RCAN2: variants seen among roughly 807,000 people sequenced by gnomAD.
RCAN2 encodes calcipressin-2.
Under a neutral mutation model 23.6 loss-of-function variants are expected in RCAN2, and 9 were observed. That is an observed-to-expected ratio of 0.38 (90% confidence interval 0.23 to 0.67). The LOEUF is 0.67. RCAN2 is among the 30% of genes least tolerant of loss of function. The pLI is 0.51. For missense variants in RCAN2, 273 were observed against 302.3 expected (o/e 0.90, Z 0.72); for synonymous variants, 109 against 115.7 (o/e 0.94, Z 0.37).
intron 1 of RCAN2, among the ~76,000 whole-genome samples, chr6:46,485,034 C>G (rs1301698321): frequency 6.6e-6 from 1 of 152,158 alleles, no homozygotes; most frequent in South Asian, 2.1e-4. Flanking sequence ...TGTCAGTATA[C>G]AGAGAAAGCT....
chr6:46,278,496 CA>C (rs1448861755), intron 2 of RCAN2, among the ~76,000 whole-genome samples: 1 of 152,066 alleles, frequency 6.6e-6, no homozygotes, highest in Non-Finnish European at 1.5e-5. Flanking sequence ...TTACTAAAAT[CA>C]AGGACATTCT....
intron 2 of RCAN2, among the ~76,000 whole-genome samples, chr6:46,450,774 G>T (rs1242735295): frequency 6.6e-6 from 1 of 152,056 alleles, no homozygotes; most frequent in Non-Finnish European, 1.5e-5. Context: ...GTACTTACCA[G>T]GGGCTGGGAA....
intron 2 of RCAN2, among the ~76,000 whole-genome samples, chr6:46,453,305 T>C (rs1358339851): frequency 6.6e-6 from 1 of 152,234 alleles, no homozygotes; most frequent in Non-Finnish European, 1.5e-5. Context: ...CTGCATTTAT[T>C]GGTTTCAGAT....
In RCAN2 at chr6:46,316,164, C is replaced by A. The variant is rs549379578; in HGVS notation, c.226-67268G>T. Among the ~76,000 whole-genome samples the A allele has an allele frequency of 2.2e-4, 33 of 152,242 alleles. 1 individual carries two copies. The South Asian group carries it at 6.8e-3, about 32-fold the overall frequency. On this transcript the variant is annotated intron_variant, in intron 2 of 4. Coordinates refer to ENST00000371374, the MANE Select transcript of RCAN2 (RefSeq NM_001251974.2). ...AATGAGAGGCAAGTAAGGTAGACTT[C>A]CCTGGCAAGAAAACTTAGAATTCCA...
intron 2 of RCAN2, among the ~76,000 whole-genome samples, chr6:46,405,584 G>C (rs943786040): frequency 6.6e-6 from 1 of 152,200 alleles, no homozygotes; most frequent in African/African-American, 2.4e-5. Flanking sequence ...ACAGAGTGTC[G>C]ATTGGTGCAC....
chr6:46,408,622 G>C (rs923085976), intron 2 of RCAN2, among the ~76,000 whole-genome samples: 2 of 152,128 alleles, frequency 1.3e-5, no homozygotes, highest in African/African-American at 4.8e-5. Flanking sequence ...ACGGAGCAAA[G>C]CTGCCAGCCC....
intron 2 of RCAN2, among the ~76,000 whole-genome samples, chr6:46,392,365 C>A (rs1030549848): frequency 2.6e-5 from 4 of 152,122 alleles, no homozygotes; most frequent in Admixed American, 2.6e-4. Context: ...TGAAGCACTG[C>A]CATGTAGAAG....
chr6:46,354,865 C>T (rs1055750181), intron 2 of RCAN2, among the ~76,000 whole-genome samples: 1 of 151,104 alleles, frequency 6.6e-6, no homozygotes, highest in Admixed American at 6.6e-5. Flanking sequence ...TTCTAGAAAA[C>T]CTGCAGAGAC....
intron 2 of RCAN2, among the ~76,000 whole-genome samples, chr6:46,347,619 A>G (rs1764526080): frequency 6.6e-6 from 1 of 152,262 alleles, no homozygotes; most frequent in Admixed American, 6.5e-5. Context: ...CTTAGCTTTA[A>G]TAATAGTTAC....
intron 2 of RCAN2, among the ~76,000 whole-genome samples, chr6:46,344,950 C>A (rs1185846054): frequency 6.6e-6 from 1 of 151,922 alleles, no homozygotes; most frequent in Non-Finnish European, 1.5e-5. Context: ...AAAAATCTCC[C>A]TTTTTCTCTC....
At chr6:46,396,785 C>G (rs892741137) in intron 2 of RCAN2, among the ~76,000 whole-genome samples, 3 of 152,160 alleles carry the variant, frequency 2.0e-5, no homozygotes, top group African/African-American at 7.2e-5. Flanking sequence ...CCCTTCTTAT[C>G]TCTATTACAA....
intron 2 of RCAN2, among the ~76,000 whole-genome samples, chr6:46,410,740 A>G (rs146915001): frequency 1.1e-3 from 169 of 152,348 alleles, no homozygotes; most frequent in Non-Finnish European, 2.1e-3. Context: ...ATCCCATCTT[A>G]TAACAGCAAA....
intron 4 of RCAN2, among the ~76,000 whole-genome samples, chr6:46,226,097 G>A (rs1416287128): frequency 6.6e-6 from 1 of 152,142 alleles, no homozygotes; most frequent in East Asian, 1.9e-4. Context: ...GATGGTTGTA[G>A]ATATGTGGTA....
At chr6:46,388,267 A>G (rs1257642424) in intron 2 of RCAN2, among the ~76,000 whole-genome samples, 1 of 151,620 alleles carries the variant, frequency 6.6e-6, no homozygotes, top group Non-Finnish European at 1.5e-5. Flanking sequence ...AATAATAATA[A>G]TAATAAAATA....
At chr6:46,409,880 G>A (rs564682990) in intron 2 of RCAN2, among the ~76,000 whole-genome samples, 2 of 152,294 alleles carry the variant, frequency 1.3e-5, no homozygotes, top group Admixed American at 6.5e-5. Context: ...TGCCTGTGAG[G>A]GTGTTTCCAG....
At chr6:46,336,744 G>A (rs1304693024) in intron 2 of RCAN2, among the ~76,000 whole-genome samples, 1 of 152,198 alleles carries the variant, frequency 6.6e-6, no homozygotes, top group Non-Finnish European at 1.5e-5. Context: ...AAATTGAAGT[G>A]GGGAAGGATT....
intron 2 of RCAN2, among the ~76,000 whole-genome samples, chr6:46,305,806 A>G (rs1422364657): frequency 6.6e-6 from 1 of 152,060 alleles, no homozygotes; most frequent in Non-Finnish European, 1.5e-5. Flanking sequence ...CACTGAACTT[A>G]GTTAAACCAA....
At chr6:46,310,816 T>C (rs1406174619) in intron 2 of RCAN2, among the ~76,000 whole-genome samples, 2 of 152,226 alleles carry the variant, frequency 1.3e-5, no homozygotes, top group Admixed American at 6.5e-5. Flanking sequence ...TGGATGATGC[T>C]CTATGTAGGA....
chr6:46,329,121 GA>G, intron 2 of RCAN2, among the ~76,000 whole-genome samples: 1 of 152,182 alleles, frequency 6.6e-6, no homozygotes. Context: ...AGAAACAAAG[GA>G]AAAACTTCCA....
Sources: allele counts gnomAD v4.1 joint callset (sites outside exome capture counted in the v4.1 genomes callset), GRCh38; gene constraint gnomAD v4.1.1; transcripts MANE v1.5; gene names NCBI Gene and HGNC (gene_info 2026-07-23, HGNC 2026-07-21).